GLYATL2: variants seen among roughly 807,000 people sequenced by gnomAD.
GLYATL2 encodes glycine-N-acyltransferase like 2.
A neutral mutation model predicts 21.4 loss-of-function variants in GLYATL2; 25 were observed. That is an observed-to-expected ratio of 1.17 (90% CI 0.85 to 1.63). The LOEUF (loss-of-function observed/expected upper bound fraction) is 1.63, where lower values mean the gene tolerates loss of function less well. Ranked by LOEUF, GLYATL2 falls within the 40% of genes most tolerant of loss-of-function variation. The probability of loss-of-function intolerance (pLI) is 0.00; values close to 1 mark genes in which losing one functional copy is unlikely to be tolerated. For missense variants in GLYATL2, 361 were observed against 343.3 expected (o/e 1.05, Z -0.41); for synonymous variants, 114 against 118.2 (o/e 0.96, Z 0.23).
At chr11:58,861,919 T>C (rs2134595248) in intron 1 of GLYATL2, among the ~76,000 whole-genome samples, 1 of 152,284 alleles carries the variant, frequency 6.6e-6, no homozygotes, top group Admixed American at 6.5e-5. Context: ...TTCTTAAATT[T>C]ATTATGACAT....
upstream of GLYATL2, among the ~76,000 whole-genome samples, chr11:58,845,490 C>G (rs1853626958): frequency 6.6e-6 from 1 of 152,078 alleles, no homozygotes; most frequent in Admixed American, 6.5e-5. Flanking sequence ...ATAGTCCCAA[C>G]TACTCAGCAG....
In GLYATL2 at chr11:58,834,618, G is replaced by A. The variant is rs1432608551; in HGVS notation, c.696C>T (p.Tyr232=). The change falls in exon 6 of 6, where the codon TAC becomes TAT. Residue 232 remains tyrosine, a synonymous_variant. Transcript: ENST00000287275. ...ELRMGYTVPK[Y]RHQGNMLQIG... is the part of the protein sequence containing the mutation. Reference sequence around the variant, plus strand: ...TTTGCAACATGTTGCCTTGGTGTCTGTATTTGGGGACAGTATAACCCATTC... The same window carrying A: ...TTTGCAACATGTTGCCTTGGTGTCTATATTTGGGGACAGTATAACCCATTC... 6.2e-7 allele frequency: 1 copy of A among 1,613,430 alleles called. No individual in the cohort carries two copies. The highest frequency in any genetic ancestry group is 1.3e-5 in the African/African-American group (1 of 74,882).
chr11:58,867,546 C>T (rs939236920), intron 1 of GLYATL2, among the ~76,000 whole-genome samples: 1 of 148,752 alleles, frequency 6.7e-6, no homozygotes, highest in Admixed American at 6.9e-5. Context: ...TCAAGACTAG[C>T]CAGCTGGAGA....
chr11:58,891,928 T>C (rs1392822966), intron 1 of GLYATL2, among the ~76,000 whole-genome samples: 1 of 152,170 alleles, frequency 6.6e-6, no homozygotes, highest in Non-Finnish European at 1.5e-5. Flanking sequence ...GTGAGGCATC[T>C]TAAGGCCTGG....
At chr11:58,884,417 AACAG>A (rs1854399094) in intron 1 of GLYATL2, among the ~76,000 whole-genome samples, 1 of 152,236 alleles carries the variant, frequency 6.6e-6, no homozygotes, top group South Asian at 2.1e-4. Context: ...ATACACCAAT[AACAG>A]ACAAACAGAG....
intron 1 of GLYATL2, among the ~76,000 whole-genome samples, chr11:58,840,053 T>A (rs1198243657): frequency 6.6e-6 from 1 of 152,096 alleles, no homozygotes; most frequent in Non-Finnish European, 1.5e-5. Flanking sequence ...CTTGCTCTAA[T>A]GTTCCCATAG....
intron 1 of GLYATL2, among the ~76,000 whole-genome samples, chr11:58,877,054 G>A (rs1027049050): frequency 6.6e-6 from 1 of 152,230 alleles, no homozygotes; most frequent in Non-Finnish European, 1.5e-5. Context: ...TGCTAGCAAT[G>A]AGTGAGGCTC....
At chr11:58,855,532 A>C (rs1565094513) in intron 1 of GLYATL2, among the ~76,000 whole-genome samples, 1 of 152,224 alleles carries the variant, frequency 6.6e-6, no homozygotes, top group Non-Finnish European at 1.5e-5. Context: ...ATAATTCTTA[A>C]GGACCCCAGG....
In GLYATL2 at chr11:58,834,481, A is replaced by G; in HGVS notation, c.833T>C (p.Ile278Thr). 6.2e-7 allele frequency: 1 copy of G among 1,611,430 alleles called. No individual in the cohort carries two copies. Among genetic ancestry groups the G allele is most frequent in the Non-Finnish European group, 8.5e-7 (1 of 1,179,042 alleles). ...LQALNNLGFKICPCGWHQWKC... is the reference protein window; with the variant it reads ...LQALNNLGFKTCPCGWHQWKC... ...CCACTGATGCCAGCCACAAGGACAA[A>G]TCTTAAACCCCAAATTGTTCAGTGC... Residue 278 changes from isoleucine to threonine, a missense_variant, in exon 6 of 6, where the codon ATT becomes ACT. Physicochemically the swap from Ile to Thr is moderately conservative, Grantham distance 89. Coordinates refer to ENST00000287275, the MANE Select transcript of GLYATL2 (RefSeq NM_145016.4).
rs570060891 is a variant in GLYATL2, at chr11:58,841,545, A to G, written c.-40-1893T>C. 3.0e-4 allele frequency among the ~76,000 whole-genome samples: 46 copies of G among 152,348 alleles called. 1 individual carries two copies. The South Asian group carries it at 8.7e-3, about 29-fold the overall frequency. The stretch of plus-strand genomic sequence containing the variant: ...GACCTCTAATCCAGTGAAGGTGACC[A>G]TTCCACCGGACAGAAACATAAATGA... On this transcript the variant is annotated intron_variant, in intron 1 of 5. Transcript: ENST00000287275.
chr11:58,869,469 G>A (rs1275838831), intron 1 of GLYATL2, among the ~76,000 whole-genome samples: 3 of 152,092 alleles, frequency 2.0e-5, no homozygotes, highest in African/African-American at 7.2e-5. Context: ...TTGGTTCACA[G>A]CCTTCACTGG....
intron 1 of GLYATL2, among the ~76,000 whole-genome samples, chr11:58,850,179 G>C (rs1215395354): frequency 1.3e-5 from 2 of 152,064 alleles, no homozygotes; most frequent in African/African-American, 2.4e-5. Context: ...TGGAAAAAAG[G>C]CTTTCAGCTT....
At chr11:58,861,540 A>G (rs72913283) in intron 1 of GLYATL2, among the ~76,000 whole-genome samples, 2,966 of 150,498 alleles carry the variant, frequency 0.02, 55 homozygotes, top group Middle Eastern at 0.041. Context: ...TTTTTCTTTA[A>G]TGTTTTTATA....
chr11:58,843,508 A>G (rs1456247451), intron 1 of GLYATL2, among the ~76,000 whole-genome samples: 1 of 152,176 alleles, frequency 6.6e-6, no homozygotes, highest in Non-Finnish European at 1.5e-5. Context: ...AAAACAAACC[A>G]AGGTTGGTTT....
rs796375070 is a variant in GLYATL2 at position 58,877,984 on chromosome 11, C to G, written n.60+26172G>C. ...ATACTTGAATGTTGGCCAATCCCAG[C>G]AGCCATACTTCAACCACTGATAGAC... On this transcript the variant is annotated intron_variant and non_coding_transcript_variant, in intron 1 of 4. Coordinates refer to the GLYATL2 transcript ENST00000533636. 9.8e-5 allele frequency among the ~76,000 whole-genome samples: 15 copies of G among 152,310 alleles called. 1 individual carries two copies. Among genetic ancestry groups the G allele is most frequent in the African/African-American group, 3.1e-4 (13 of 41,558 alleles).
chr11:58,870,410 C>T (rs1854097515), intron 1 of GLYATL2, among the ~76,000 whole-genome samples: 1 of 152,088 alleles, frequency 6.6e-6, no homozygotes, highest in African/African-American at 2.4e-5. Flanking sequence ...ACTTAGAGGG[C>T]TCTTATAAGG....
intron 1 of GLYATL2, among the ~76,000 whole-genome samples, chr11:58,859,702 T>C (rs1032908184): frequency 8.5e-5 from 13 of 152,174 alleles, no homozygotes; most frequent in African/African-American, 2.9e-4. Flanking sequence ...CCAACTAATA[T>C]CAGGAAGCTT....
At chr11:58,887,629 C>T (rs1335448070) in intron 1 of GLYATL2, among the ~76,000 whole-genome samples, 2 of 152,078 alleles carry the variant, frequency 1.3e-5, no homozygotes, top group African/African-American at 4.8e-5. Flanking sequence ...TTTTAATTTG[C>T]CTTTCACATA....
intron 1 of GLYATL2, among the ~76,000 whole-genome samples, chr11:58,858,338 A>G (rs998107617): frequency 2.0e-5 from 3 of 152,166 alleles, no homozygotes. Context: ...TCCATTCCCA[A>G]TGGTCTCACT....
Sources: gnomAD v4.1 joint callset for allele counts (sites outside exome capture counted in the v4.1 genomes callset) on GRCh38, gnomAD v4.1.1 for gene constraint, MANE v1.5 for transcripts, NCBI Gene and HGNC (gene_info 2026-07-23, HGNC 2026-07-21) for gene names.